RAB10: variants seen among roughly 807,000 people sequenced by gnomAD.
The protein encoded by RAB10 is ras-related protein Rab-10.
RAB10 carries 5 observed loss-of-function variants against 25.7 expected under a neutral mutation model. The observed-to-expected ratio is 0.19, with a 90% CI of 0.10 to 0.41. The LOEUF (loss-of-function observed/expected upper bound fraction) is 0.41, where lower values mean the gene tolerates loss of function less well. Ranked by LOEUF, RAB10 falls within the 10% of genes least tolerant of loss-of-function variation. The probability of loss-of-function intolerance (pLI) is 1.00; values close to 1 mark genes in which losing one functional copy is unlikely to be tolerated. For synonymous variants in RAB10, 89 were observed against 86.4 expected (o/e 1.03, Z -0.16); for missense variants, 103 against 245.8 (o/e 0.42, Z 3.89).
At chr2:26,044,816 G>A (rs996097640) in intron 1 of RAB10, among the ~76,000 whole-genome samples, 6 of 65,342 alleles carry the variant, frequency 9.2e-5, no homozygotes, top group African/African-American at 2.2e-4. Context: ...AAAGTGCTGG[G>A]ATTACAGGTG....
intron 1 of RAB10, among the ~76,000 whole-genome samples, chr2:26,076,636 C>T (rs894081116): frequency 3.3e-5 from 5 of 152,116 alleles, no homozygotes; most frequent in Non-Finnish European, 7.3e-5. Context: ...AAAAGTTTCT[C>T]CTATATTTAG....
chr2:26,127,406 T>A, intron 4 of RAB10, 173 bp downstream of exon 4: 1 of 576,170 alleles, frequency 1.7e-6, no homozygotes, highest in Non-Finnish European at 3.0e-6. Flanking sequence ...AGTGCATATT[T>A]AACATGTATG....
intron 1 of RAB10, among the ~76,000 whole-genome samples, chr2:26,078,785 A>G (rs895107122): frequency 3.3e-5 from 5 of 152,242 alleles, no homozygotes; most frequent in African/African-American, 1.2e-4. Context: ...TATTATATAG[A>G]GGAGCAAAGA....
intron 2 of RAB10, among the ~76,000 whole-genome samples, chr2:26,100,723 G>A (rs564714941): frequency 7.9e-5 from 12 of 152,104 alleles, no homozygotes; most frequent in Non-Finnish European, 1.8e-4. Context: ...TTATAAATTA[G>A]GATGTCAAAT....
chr2:26,117,181 AG>A (rs933883960), intron 3 of RAB10, among the ~76,000 whole-genome samples: 1 of 152,074 alleles, frequency 6.6e-6, no homozygotes, highest in Non-Finnish European at 1.5e-5. Flanking sequence ...AATGTCCAAG[AG>A]GGGGAGTTAT....
At chr2:26,089,065 A>G (rs2149276687) in intron 1 of RAB10, among the ~76,000 whole-genome samples, 1 of 152,268 alleles carries the variant, frequency 6.6e-6, no homozygotes, top group East Asian at 1.9e-4. Context: ...ACAGGAGAAA[A>G]ACTGGAGGGA....
At chr2:26,122,625 CAA>C (rs775681640) in intron 3 of RAB10, among the ~76,000 whole-genome samples, 1 of 88,610 alleles carries the variant, frequency 1.1e-5, no homozygotes, top group Non-Finnish European at 2.3e-5. Flanking sequence ...GACTCTGTCT[CAA>C]AAAAAAAAAC....
intron 2 of RAB10, among the ~76,000 whole-genome samples, chr2:26,105,980 T>C (rs1213965785): frequency 6.6e-6 from 1 of 152,248 alleles, no homozygotes; most frequent in African/African-American, 2.4e-5. Context: ...CTCTATGATG[T>C]GTGCACAATG....
chr2:26,086,509 G>T (rs1666991359), intron 1 of RAB10, among the ~76,000 whole-genome samples: 1 of 152,204 alleles, frequency 6.6e-6, no homozygotes, highest in African/African-American at 2.4e-5. Flanking sequence ...TTGCTCATGT[G>T]AATGTAAAAT....
At chr2:26,077,829 A>G (rs902850475) in intron 1 of RAB10, among the ~76,000 whole-genome samples, 2 of 152,022 alleles carry the variant, frequency 1.3e-5, no homozygotes, top group African/African-American at 4.8e-5. Context: ...AATACAAAAA[A>G]TTAGTTGGAT....
At chr2:26,059,223 G>A (rs1205090207) in intron 1 of RAB10, among the ~76,000 whole-genome samples, 1 of 152,146 alleles carries the variant, frequency 6.6e-6, no homozygotes, top group African/African-American at 2.4e-5. Flanking sequence ...CTTTATTTAG[G>A]AGCCCCAACA....
chr2:26,113,743 T>TAAA (rs56063928), intron 3 of RAB10, among the ~76,000 whole-genome samples: 14 of 125,466 alleles, frequency 1.1e-4, no homozygotes, highest in Non-Finnish European at 2.0e-4. Flanking sequence ...CAGCCAGAGC[T>TAAA]AAAAAAAAAA....
At chr2:26,034,029 A>G (rs1665698158), upstream of RAB10, 1 of 399,364 alleles carries the variant, frequency 2.5e-6, no homozygotes, top group Non-Finnish European at 4.4e-6. Context: ...GCGTGCGCAG[A>G]GGCGGACCGC....
intron 5 of RAB10, 137 bp from the exon 6 acceptor site, chr2:26,134,801 A>C (rs1668075497): frequency 1.6e-6 from 1 of 610,110 alleles, no homozygotes; most frequent in Admixed American, 3.6e-5. Flanking sequence ...TTTACTTTGC[A>C]CGGAGGGGAA....
chr2:26,113,782 C>T (rs1292204886), intron 3 of RAB10, among the ~76,000 whole-genome samples: 1 of 150,356 alleles, frequency 6.7e-6, no homozygotes, highest in Non-Finnish European at 1.5e-5. Context: ...AAAAAGCCAT[C>T]CAGAGTGAAA....
In RAB10 at chr2:26,089,087, GA is replaced by G. The variant is rs1667049114; in HGVS notation, c.128-9574del. On this transcript the variant is annotated intron_variant, in intron 1 of 5. Coordinates refer to ENST00000264710, the MANE Select transcript of RAB10 (RefSeq NM_016131.5). ...AAAAACTGGAGGGAATAAGACTGGA[GA>G]GGTGGCTTGGGGCCATGCTCAGAAA... 2.6e-5 allele frequency among the ~76,000 whole-genome samples: 4 copies of G among 152,148 alleles called. No individual in the cohort carries two copies. The East Asian group carries it at 7.7e-4, about 29-fold the overall frequency.
At chr2:26,133,050 A>C (rs1386396835) in intron 5 of RAB10, among the ~76,000 whole-genome samples, 1 of 152,222 alleles carries the variant, frequency 6.6e-6, no homozygotes, top group Admixed American at 6.5e-5. Context: ...TTTAACATAC[A>C]TGGAGGAGAA....
chr2:26,113,173 G>A (rs1207250815), intron 3 of RAB10, among the ~76,000 whole-genome samples: 6 of 152,170 alleles, frequency 3.9e-5, no homozygotes, highest in Admixed American at 3.3e-4. Context: ...GAATGCAAGG[G>A]TCAGAACCTG....
chr2:26,085,036 TTC>T (rs1472454740), intron 1 of RAB10, among the ~76,000 whole-genome samples: 15 of 152,232 alleles, frequency 9.9e-5, no homozygotes, highest in Admixed American at 9.8e-4. Context: ...TTAGCTTTGA[TTC>T]TGTCACCCAG....
Sources: allele counts gnomAD v4.1 joint callset (sites outside exome capture counted in the v4.1 genomes callset), GRCh38; gene constraint gnomAD v4.1.1; transcripts MANE v1.5; gene names NCBI Gene and HGNC (gene_info 2026-07-23, HGNC 2026-07-21).